GLI3: variants seen among roughly 807,000 people sequenced by gnomAD.
The protein encoded by GLI3 is transcription activator GLI3.
GLI3 carries 20 observed loss-of-function variants against 100.8 expected under a neutral mutation model. The observed-to-expected ratio is 0.20, with a 90% CI of 0.14 to 0.29. The LOEUF (loss-of-function observed/expected upper bound fraction) is 0.29, where lower values mean the gene tolerates loss of function less well. Ranked by LOEUF, GLI3 falls within the 10% of genes least tolerant of loss-of-function variation. The pLI is 1.00. For synonymous variants in GLI3, 938 were observed against 860.5 expected (o/e 1.09, Z -1.58); for missense variants, 2,040 against 2,128.5 (o/e 0.96, Z 0.82).
chr7:42,195,202 C>T (rs1302950911), intron 2 of GLI3, among the ~76,000 whole-genome samples: 1 of 152,202 alleles, frequency 6.6e-6, no homozygotes, highest in Non-Finnish European at 1.5e-5. Context: ...ATTACATACA[C>T]TGTAGCTTGA....
At chr7:42,244,702 T>TAAA (rs796300282) in intron 1 of GLI3, among the ~76,000 whole-genome samples, 1 of 142,428 alleles carries the variant, frequency 7.0e-6, no homozygotes, top group Non-Finnish European at 1.5e-5. Context: ...AAAACACCTT[T>TAAA]AAAAAAAAAA....
At chr7:42,072,543 A>C (rs1784803454) in intron 4 of GLI3, among the ~76,000 whole-genome samples, 1 of 152,246 alleles carries the variant, frequency 6.6e-6, no homozygotes, top group Non-Finnish European at 1.5e-5. Flanking sequence ...GAAAGTAGCC[A>C]CTTGACAATG....
At chr7:42,017,315 T>C (rs1226227842) in intron 10 of GLI3, among the ~76,000 whole-genome samples, 2 of 152,196 alleles carry the variant, frequency 1.3e-5, no homozygotes, top group Admixed American at 6.5e-5. Context: ...AAGCTTTCAA[T>C]AGGAAAATGT....
intron 10 of GLI3, among the ~76,000 whole-genome samples, chr7:41,986,737 T>C (rs1485090822): frequency 6.6e-6 from 1 of 151,926 alleles, no homozygotes; most frequent in African/African-American, 2.4e-5. Flanking sequence ...CTAAAATTCA[T>C]GTGGTATTGG....
chr7:42,082,541 C>G (rs1320774693), intron 3 of GLI3, among the ~76,000 whole-genome samples: 2 of 152,168 alleles, frequency 1.3e-5, no homozygotes, highest in Non-Finnish European at 2.9e-5. Flanking sequence ...GCTACCCCCA[C>G]AGGGCCCCGC....
chr7:42,091,999 C>G lies in GLI3; in HGVS notation c.368-15142G>C, dbSNP rs1264823965. 2.6e-5 allele frequency among the ~76,000 whole-genome samples: 4 copies of G among 152,226 alleles called. No individual in the cohort carries two copies. The South Asian group carries it at 6.2e-4, about 24-fold the overall frequency. ...ACTTGAGGGGAACCAAGCTGGGCCT[C>G]GAAACCCTCTGCCTGGGAAGCAGGG... On this transcript the variant is annotated intron_variant, in intron 3 of 14. Transcript: ENST00000395925.
chr7:42,002,385 C>G (rs1788327529), intron 10 of GLI3, among the ~76,000 whole-genome samples: 2 of 152,108 alleles, frequency 1.3e-5, no homozygotes, highest in African/African-American at 4.8e-5. Context: ...ACACTTTTCT[C>G]CACCAAATAA....
chr7:42,202,080 C>CAAAA (rs35682171), intron 2 of GLI3, among the ~76,000 whole-genome samples: 24 of 92,192 alleles, frequency 2.6e-4, no homozygotes, highest in African/African-American at 8.7e-4. Context: ...GACTCCGTCT[C>CAAAA]AAAAAAAAAA....
In GLI3 at chr7:42,045,577, C is replaced by T. The variant is rs1784230090; in HGVS notation, c.680-47G>A. The stretch of plus-strand genomic sequence containing the variant: ...ATGGTTACTAGCGAAAGAAGGTCAA[C>T]TAGAAGTTTCTCTTGAGGCATCTCA... On this transcript the variant is annotated intron_variant, in intron 5 of 14. Coordinates refer to ENST00000395925, the MANE Select transcript of GLI3 (RefSeq NM_000168.6). 3.1e-6 allele frequency: 5 copies of T among 1,590,506 alleles called. No individual in the cohort carries two copies. The South Asian group carries it at 3.3e-5, about 11-fold the overall frequency.
chr7:42,062,700 T>TACACACACACAGACAC (rs1784595051), intron 4 of GLI3, among the ~76,000 whole-genome samples: 1 of 123,862 alleles, frequency 8.1e-6, no homozygotes. Context: ...TTATATATTA[T>TACACACACACAGACAC]ACACACACAC....
At chr7:42,053,878 T>G (rs1290957451) in intron 4 of GLI3, among the ~76,000 whole-genome samples, 1 of 152,190 alleles carries the variant, frequency 6.6e-6, no homozygotes, top group Non-Finnish European at 1.5e-5. Flanking sequence ...TCTGACAAAC[T>G]GCTGTCTGGG....
At chr7:42,231,228 T>C (rs1043670353) in intron 1 of GLI3, among the ~76,000 whole-genome samples, 3 of 152,232 alleles carry the variant, frequency 2.0e-5, no homozygotes, top group African/African-American at 7.2e-5. Flanking sequence ...GTTAAAATCA[T>C]CTACAGCTAT....
chr7:42,146,415 G>C (rs1459828204), intron 3 of GLI3, among the ~76,000 whole-genome samples: 6 of 152,176 alleles, frequency 3.9e-5, no homozygotes, highest in African/African-American at 1.4e-4. Flanking sequence ...TTCAATGGGG[G>C]AAACCGTTAA....
intron 7 of GLI3, among the ~76,000 whole-genome samples, chr7:42,033,680 G>A (rs1025788640): frequency 3.2e-4 from 48 of 152,162 alleles, no homozygotes; most frequent in Admixed American, 3.0e-3. Flanking sequence ...GGTTACAGCT[G>A]TGGAATTCAC....
intron 1 of GLI3, among the ~76,000 whole-genome samples, chr7:42,231,435 A>G (rs1788694558): frequency 6.6e-6 from 1 of 152,218 alleles, no homozygotes; most frequent in Non-Finnish European, 1.5e-5. Flanking sequence ...TTGTTCACAG[A>G]CAGAATTCTT....
intron 4 of GLI3, among the ~76,000 whole-genome samples, chr7:42,055,943 A>G (rs1340598445): frequency 6.6e-6 from 1 of 152,034 alleles, no homozygotes; most frequent in Non-Finnish European, 1.5e-5. Context: ...AACATGTGGG[A>G]GGTGGTTGAA....
chr7:42,139,710 A>G (rs2128781688), intron 3 of GLI3, among the ~76,000 whole-genome samples: 1 of 152,332 alleles, frequency 6.6e-6, no homozygotes, highest in East Asian at 1.9e-4. Flanking sequence ...TGCTACACAA[A>G]GGAATGCAGC....
intron 13 of GLI3, among the ~76,000 whole-genome samples, chr7:41,968,540 T>C (rs985017012): frequency 7.9e-5 from 12 of 152,062 alleles, no homozygotes; most frequent in African/African-American, 2.7e-4. Flanking sequence ...TCAGGGCTGG[T>C]TAGCCAAGCT....
At chr7:42,183,872 C>A (rs987949049) in intron 2 of GLI3, among the ~76,000 whole-genome samples, 4 of 152,094 alleles carry the variant, frequency 2.6e-5, no homozygotes, top group Non-Finnish European at 4.4e-5. Context: ...TCCTGCCCCA[C>A]ATGTTGACCA....
Sources: allele counts gnomAD v4.1 joint callset (sites outside exome capture counted in the v4.1 genomes callset), GRCh38; gene constraint gnomAD v4.1.1; transcripts MANE v1.5; gene names NCBI Gene and HGNC (gene_info 2026-07-23, HGNC 2026-07-21).